Variants in RGS3 observed in about 807,000 individuals in gnomAD.
RGS3 encodes the protein regulator of G protein signaling 3.
A neutral mutation model predicts 132.6 loss-of-function variants in RGS3; 80 were observed. The observed-to-expected ratio is 0.60, with a 90% CI of 0.50 to 0.73. The LOEUF is 0.73. Among genes scored for constraint, RGS3 ranks in the 30% least tolerant of loss-of-function variants. RGS3 has a pLI of 0.00. For missense variants in RGS3, 1,382 were observed against 1,530.8 expected (o/e 0.90, Z 1.62); for synonymous variants, 598 against 620.6 (o/e 0.96, Z 0.54).
intron 19 of RGS3, among the ~76,000 whole-genome samples, chr9:113,574,134 C>T (rs376672059): frequency 2.6e-5 from 4 of 152,238 alleles, no homozygotes; most frequent in African/African-American, 9.6e-5. Context: ...ATCTCTCTCT[C>T]TCCCCTATCT....
chr9:113,485,385 G>A (rs1197314643), intron 6 of RGS3, among the ~76,000 whole-genome samples: 1 of 152,102 alleles, frequency 6.6e-6, no homozygotes. Flanking sequence ...CACTGTGCCC[G>A]GCCCGAAAAT....
chr9:113,517,353 A>AGCGTC, intron 15 of RGS3, 188 bp from the exon 14 acceptor site: 1 of 690,478 alleles, frequency 1.4e-6, no homozygotes, highest in Non-Finnish European at 2.7e-6. Context: ...ACAGGACAGC[A>AGCGTC]GCGTCTCTCT....
rs374278518 is a variant in RGS3 at position 113,508,537 on chromosome 9, G to C, written c.1438-4G>C. 6.2e-7 allele frequency: 1 copy of C among 1,612,688 alleles called. No individual in the cohort carries two copies. Among genetic ancestry groups the C allele is most frequent in the Non-Finnish European group, 8.5e-7 (1 of 1,179,978 alleles). On this transcript the variant is annotated splice_polypyrimidine_tract_variant and splice_region_variant and intron_variant, in intron 13 of 24. Transcript: ENST00000350696. Reference sequence around the variant, plus strand: ...GAGGTGGTTTTCCTGTCTTTCCCTTGCAGCTGCTCCGGCCTGTGTACCAGG... The same window carrying C: ...GAGGTGGTTTTCCTGTCTTTCCCTTCCAGCTGCTCCGGCCTGTGTACCAGG...
intron 4 of RGS3, among the ~76,000 whole-genome samples, chr9:113,481,650 T>C (rs1588146906): frequency 6.6e-6 from 1 of 152,328 alleles, no homozygotes; most frequent in East Asian, 1.9e-4. Flanking sequence ...TCTCAGGCCC[T>C]TCATCCCTTC....
intron 10 of RGS3, chr9:113,501,710 T>C: frequency 7.2e-7 from 1 of 1,383,870 alleles, no homozygotes; most frequent in Non-Finnish European, 9.9e-7. Flanking sequence ...AGGATCTCGC[T>C]CCTCACAAGG....
At position 113,463,778 on chromosome 9, in the gene RGS3, C is replaced by T. The variant is rs745789263; in HGVS notation, c.415+1577C>T. On this transcript the variant is annotated intron_variant, in intron 3 of 24. Transcript: ENST00000350696. This position sits in a 1 kb window ranked among gnomAD's most constrained non-coding sequence, Gnocchi z 4.6. ...ACAGCCGCCTCGGGTTGCAGACGCT[C>T]CTGTCCGGGTCGCAGTGGGACGCCA... is the stretch of plus-strand genomic sequence containing the variant. 37 of 1,598,598 alleles carry T rather than the reference C, an allele frequency of 2.3e-5. No homozygotes were observed. The South Asian group carries it at 3.9e-4, about 17-fold the overall frequency.
chr9:113,567,585 TC>T (rs1276371217), intron 19 of RGS3, among the ~76,000 whole-genome samples: 16 of 152,150 alleles, frequency 1.1e-4, no homozygotes, highest in Non-Finnish European at 1.0e-4. Flanking sequence ...CAAAGTTGCA[TC>T]CATAGGGCCA....
intron 3 of RGS3, among the ~76,000 whole-genome samples, chr9:113,471,245 C>A (rs1036225775): frequency 2.6e-5 from 4 of 151,922 alleles, no homozygotes; most frequent in Non-Finnish European, 2.9e-5. Flanking sequence ...TCAGAAGAAC[C>A]CTGCTTCTTG....
At chr9:113,543,435 A>G (rs1430463930) in intron 19 of RGS3, among the ~76,000 whole-genome samples, 2 of 152,224 alleles carry the variant, frequency 1.3e-5, no homozygotes. Flanking sequence ...GACCAGACCA[A>G]TGCCCCCCAC....
exon 15 of RGS3, chr9:113,514,579 G>A (rs532732320): frequency 5.0e-6 from 8 of 1,614,134 alleles, no homozygotes; most frequent in Middle Eastern, 1.7e-4. Flanking sequence ...TTGTGAGGCC[G>A]CATGCCACGC....
intron 10 of RGS3, chr9:113,501,329 C>A: frequency 1.8e-6 from 2 of 1,129,536 alleles, no homozygotes; most frequent in Non-Finnish European, 2.4e-6. Context: ...AACTAGTTGA[C>A]AGGAATTTTA....
intron 3 of RGS3, 82 bp from the exon 2 acceptor site, chr9:113,479,409 T>C (rs1224937215): frequency 1.4e-5 from 19 of 1,358,630 alleles, no homozygotes; most frequent in Non-Finnish European, 2.1e-6. Flanking sequence ...CAAAAGAGCA[T>C]TTCTGTCACC....
chr9:113,458,614 A>G (rs966044563), upstream of RGS3, among the ~76,000 whole-genome samples: 10 of 152,356 alleles, frequency 6.6e-5, no homozygotes, highest in Admixed American at 5.2e-4. Context: ...TGAATGAGTT[A>G]TTAATATTAA....
At chr9:113,456,214 T>C (rs182545304), upstream of RGS3, among the ~76,000 whole-genome samples, 30 of 152,348 alleles carry the variant, frequency 2.0e-4, no homozygotes, top group East Asian at 5.4e-3. Flanking sequence ...ACATTCCCTG[T>C]GGGCTGTCTT....
intron 1 of RGS3, among the ~76,000 whole-genome samples, chr9:113,447,107 GA>G (rs1447982859): frequency 1.3e-5 from 2 of 150,560 alleles, no homozygotes; most frequent in Non-Finnish European, 3.0e-5. Context: ...TAAAAATACA[GA>G]AAAATTAGCT....
At chr9:113,501,725 C>T in intron 10 of RGS3, 1 of 1,286,752 alleles carries the variant, frequency 7.8e-7, no homozygotes, top group East Asian at 2.5e-5. Context: ...ACAAGGTCTT[C>T]TTTGACCTTT....
intron 1 of RGS3, among the ~76,000 whole-genome samples, chr9:113,461,184 T>C (rs1225565551): frequency 1.3e-5 from 2 of 152,098 alleles, no homozygotes; most frequent in African/African-American, 4.8e-5. Context: ...AGTGTATGAT[T>C]GTTATCGTGT....
intron 1 of RGS3, among the ~76,000 whole-genome samples, chr9:113,447,329 G>GTATATATGTATATGTATATATA: frequency 3.6e-5 from 1 of 27,558 alleles, no homozygotes; most frequent in East Asian, 3.8e-3. Flanking sequence ...GTATGTATAT[G>GTATATATGTATATGTATATATA]TATATATATA....
At chr9:113,491,273 T>G (rs1403785839) in intron 7 of RGS3, among the ~76,000 whole-genome samples, 1 of 150,598 alleles carries the variant, frequency 6.6e-6, no homozygotes, top group Non-Finnish European at 1.5e-5. Flanking sequence ...TAAAGTAATT[T>G]TTTTTTCTTT....
Sources: gnomAD v4.1 joint callset for allele counts (sites outside exome capture counted in the v4.1 genomes callset) on GRCh38, gnomAD v4.1.1 for gene constraint, Gnocchi (gnomAD v3.1) non-coding constraint, MANE v1.5 for transcripts, NCBI Gene and HGNC (gene_info 2026-07-23, HGNC 2026-07-21) for gene names.